Variants in KIAA1755 observed in about 807,000 individuals in gnomAD.
KIAA1755 encodes uncharacterized protein KIAA1755.
KIAA1755 carries 68 observed loss-of-function variants against 91.7 expected under a neutral mutation model. The ratio of observed to expected loss-of-function variants is 0.74; its 90% CI spans 0.61 to 0.91. The LOEUF (loss-of-function observed/expected upper bound fraction) is 0.91. KIAA1755 is among the 40% of genes least tolerant of loss of function. KIAA1755 has a pLI of 0.00. For synonymous variants in KIAA1755, 610 were observed against 604.6 expected, an observed-to-expected ratio of 1.01 and a Z score of -0.13; for missense variants, 1,535 against 1,494.4, an observed-to-expected ratio of 1.03 and a Z score of -0.45.
At chr20:38,243,125 A>G (rs1384020356) in intron 2 of KIAA1755, among the ~76,000 whole-genome samples, 1 of 152,246 alleles carries the variant, frequency 6.6e-6, no homozygotes, top group African/African-American at 2.4e-5. Context: ...TTGGAAAAAG[A>G]GTCTGAGTTC....
At chr20:38,251,592 G>A (rs2076250184) in intron 1 of KIAA1755, among the ~76,000 whole-genome samples, 1 of 147,108 alleles carries the variant, frequency 6.8e-6, no homozygotes, top group Non-Finnish European at 1.5e-5. Context: ...TTGAGACAGA[G>A]TCTCACTTTG....
intron 12 of KIAA1755, 58 bp from the exon 13 acceptor site, chr20:38,217,532 C>A: frequency 7.7e-7 from 1 of 1,295,654 alleles, no homozygotes; most frequent in Non-Finnish European, 1.1e-6. Flanking sequence ...GGGCCTCCCT[C>A]GGAGGTCAGC....
At position 38,228,182 on chromosome 20, in the gene KIAA1755, G is replaced by A; in HGVS notation, c.1930C>T (p.Gln644Ter). 6.2e-7 allele frequency: 1 copy of A among 1,605,426 alleles called. No homozygotes were observed. ...VLIDARRQPP[Q>*]PGLVSALQAT... ...TGCAGGGCGCTGACCAGACCGGGCT[G>A]TGGGGGCTGTCTCCTGGCGTCAATC... Residue 644 changes from glutamine to a stop codon, truncating the protein, a stop_gained, in exon 6 of 14, where the codon CAG becomes TAG. Transcript: ENST00000279024. LOFTEE classifies it high-confidence loss of function.
rs375114762 is a variant in KIAA1755, at chr20:38,228,256, A to T, written c.1872-16T>A. 38 of 1,580,702 alleles carry T rather than the reference A, an allele frequency of 2.4e-5. 1 individual carries two copies. In the African/African-American group the frequency reaches 4.9e-4, roughly 20 times the overall value. ...ATCTTCAGGCCTGTGGGTGGTAAAC[A>T]GAATTGACAGTCTTGCTGGATGGCC... On this transcript the variant is annotated splice_polypyrimidine_tract_variant and intron_variant, in intron 5 of 13. Transcript: ENST00000279024.
At chr20:38,225,046 T>C (rs2075731543) in intron 8 of KIAA1755, among the ~76,000 whole-genome samples, 1 of 152,148 alleles carries the variant, frequency 6.6e-6, no homozygotes, top group African/African-American at 2.4e-5. Context: ...TAGGCTGGAG[T>C]GCAGTGGTGT....
Position 38,247,222 on chromosome 20 carries a change from G to C in KIAA1755, c.4-1096C>G, listed in dbSNP as rs566309447. On this transcript the variant is annotated intron_variant, in intron 1 of 13. Coordinates refer to ENST00000279024, the MANE Select transcript of KIAA1755 (RefSeq NM_001029864.2). The stretch of plus-strand genomic sequence containing the variant: ...AGTCTCTGCTCCAAACTCCTCAAAG[G>C]TTCCCACCGTCTTCAGGAAGCATCA... Among the ~76,000 whole-genome samples the C allele has an allele frequency of 9.9e-5, 15 of 152,092 alleles. No homozygotes were observed. In the South Asian group the frequency reaches 3.1e-3, roughly 32 times the overall value.
At chr20:38,231,927 T>C (rs191610545) in intron 4 of KIAA1755, among the ~76,000 whole-genome samples, 1 of 152,344 alleles carries the variant, frequency 6.6e-6, no homozygotes, top group Non-Finnish European at 1.5e-5. Flanking sequence ...AACCCTGGGT[T>C]TCCGACAGGC....
rs3746467 is a variant in KIAA1755, at chr20:38,210,895, T to C, written c.*2147A>G. 0.4 allele frequency: 60,981 copies of C among 152,080 alleles called. 12,975 individuals are homozygous for C. Among genetic ancestry groups the C allele is most frequent in the East Asian group, 0.52 (2,710 of 5,174 alleles). 9.4% of individuals were successfully genotyped at this position (152,080 alleles called of 1,614,324 possible). A position where few individuals can be genotyped will look rare whatever the true frequency, so the allele number is the denominator to read the frequency against. On this transcript the variant is annotated 3_prime_UTR_variant, in exon 14 of 14. Transcript: ENST00000279024. ...TGGGCTGATCAACGCCTCTTGCATC[T>C]TTGGGCCTGTCTGGATGGAAGGCAG...
rs2075474504 is a variant in KIAA1755, at chr20:38,213,010, T to G, written c.*32A>C. ...CAGCTGGGCCCTGGCCCAGTGCTCCTGGAGGCTGGTGCGACTGAAGGGGCC... is the reference window on the plus strand; with the variant it reads ...CAGCTGGGCCCTGGCCCAGTGCTCCGGGAGGCTGGTGCGACTGAAGGGGCC... On this transcript the variant is annotated 3_prime_UTR_variant, in exon 14 of 14. Coordinates refer to ENST00000279024, the MANE Select transcript of KIAA1755 (RefSeq NM_001029864.2). 1 of 1,506,816 alleles carries G rather than the reference T, an allele frequency of 6.6e-7. No individual in the cohort carries two copies. Among genetic ancestry groups the G allele is most frequent in the Non-Finnish European group, 8.9e-7 (1 of 1,124,060 alleles). The allele number at this position is 1,506,816 out of a possible 1,614,324, so 93.3% of individuals were successfully genotyped here.
At chr20:38,219,838 T>C (rs1168704479) in intron 10 of KIAA1755, 70 bp from the exon 11 acceptor site, 1 of 1,575,176 alleles carries the variant, frequency 6.3e-7, no homozygotes, top group Non-Finnish European at 8.7e-7. Context: ...CTGTCCCGCA[T>C]AGGCCTGCCC....
At chr20:38,215,536 A>G (rs887714873) in intron 13 of KIAA1755, among the ~76,000 whole-genome samples, 1 of 152,244 alleles carries the variant, frequency 6.6e-6, no homozygotes, top group Admixed American at 6.5e-5. Flanking sequence ...CAGAAGCGAC[A>G]AAACAGGGTG....
At chr20:38,231,174 G>A in intron 5 of KIAA1755, 28 bp downstream of exon 5, 1 of 1,600,848 alleles carries the variant, frequency 6.2e-7, no homozygotes, top group African/African-American at 1.3e-5. Flanking sequence ...GGTGGGGATG[G>A]AGCAGTCAGG....
Position 38,260,628 on chromosome 20 carries a change from C to A in KIAA1755, c.-128G>T. 2 of 1,171,378 alleles carry A rather than the reference C, an allele frequency of 1.7e-6. 1 individual carries two copies. The highest frequency in any genetic ancestry group is 5.8e-5 in the East Asian group (2 of 34,456). The allele number at this position is 1,171,378 out of a possible 1,614,324, so 72.6% of individuals were successfully genotyped here. On this transcript the variant is annotated 5_prime_UTR_variant, in exon 1 of 14. Transcript: ENST00000279024. ...CCCTGGAGCCAGGGGATAGGGCAGG[C>A]CCGGGGCACCGACCCCGGCGTCATC...
chr20:38,238,442 T>C (rs118083740), intron 4 of KIAA1755, among the ~76,000 whole-genome samples: 2,305 of 152,328 alleles, frequency 0.015, 168 homozygotes, highest in Admixed American at 0.12. Context: ...TTGCACATGC[T>C]GTTCCCTTTG....
rs546883034 is a variant in KIAA1755, at chr20:38,212,853, C to T, written c.*189G>A. 8 of 532,264 alleles carry T rather than the reference C, an allele frequency of 1.5e-5. No individual in the cohort carries two copies. Among genetic ancestry groups the T allele is most frequent in the South Asian group, 6.8e-5 (2 of 29,204 alleles). 33.0% of individuals were successfully genotyped at this position (532,264 alleles called of 1,614,324 possible). A position where few individuals can be genotyped will look rare whatever the true frequency, so the allele number is the denominator to read the frequency against. On this transcript the variant is annotated 3_prime_UTR_variant, in exon 14 of 14. Transcript: ENST00000279024. ...CTTGCTATTCTGCATGGGTGAAGATCGGGTCTTCCAGGAGTTTTCTGGAGC... is the reference window on the plus strand; with the variant it reads ...CTTGCTATTCTGCATGGGTGAAGATTGGGTCTTCCAGGAGTTTTCTGGAGC...
chr20:38,239,481 G>A (rs2076014507), intron 4 of KIAA1755, 47 bp downstream of exon 4: 1 of 1,582,080 alleles, frequency 6.3e-7, no homozygotes, highest in South Asian at 1.1e-5. Context: ...GATGCTCTGG[G>A]GCCCCCAGCT....
At chr20:38,224,743 T>C (rs552815101) in intron 8 of KIAA1755, among the ~76,000 whole-genome samples, 73 of 152,258 alleles carry the variant, frequency 4.8e-4, no homozygotes, top group African/African-American at 1.7e-3. Flanking sequence ...GGGGCGGGCA[T>C]TGATGGGCAT....
In KIAA1755 at chr20:38,260,536, T is replaced by C; in HGVS notation, c.-36A>G. ...TGCCAGCGGCGGGCGGCGCGGCTCC[T>C]CTCCTGGGCGCGGGGTCTGTGGGTC... On this transcript the variant is annotated 5_prime_UTR_variant, in exon 1 of 14. Coordinates refer to ENST00000279024, the MANE Select transcript of KIAA1755 (RefSeq NM_001029864.2). The C allele has an allele frequency of 6.8e-7, 1 of 1,479,578 alleles. No individual in the cohort carries two copies. The highest frequency in any genetic ancestry group is 8.9e-7 in the Non-Finnish European group (1 of 1,118,196). The allele number at this position is 1,479,578 out of a possible 1,614,324, so 91.7% of individuals were successfully genotyped here.
intron 13 of KIAA1755, among the ~76,000 whole-genome samples, chr20:38,216,424 C>G (rs749333136): frequency 3.9e-5 from 6 of 152,184 alleles, no homozygotes; most frequent in African/African-American, 1.4e-4. Context: ...GTGGCCTGCA[C>G]GTGGGGCTGG....
Sources: allele counts gnomAD v4.1 joint callset (sites outside exome capture counted in the v4.1 genomes callset), GRCh38; gene constraint gnomAD v4.1.1; transcripts MANE v1.5; gene names NCBI Gene and HGNC (gene_info 2026-07-23, HGNC 2026-07-21).